The following MIER2 variants were observed in gnomAD, a reference collection of about 807,000 sequenced individuals.
The protein encoded by MIER2 is mesoderm induction early response protein 2.
In MIER2, 30 loss-of-function variants were observed where a neutral mutation model predicts 67.6. The ratio of observed to expected loss-of-function variants is 0.44; its 90% confidence interval spans 0.33 to 0.60. The LOEUF is 0.60. MIER2 is among the 20% of genes least tolerant of loss of function. The pLI, the probability that MIER2 is intolerant of heterozygous loss-of-function variation, is 0.02. For missense variants in MIER2, 702 were observed against 745.1 expected, an observed-to-expected ratio of 0.94 and a Z score of 0.67; for synonymous variants, 372 against 312.6, an observed-to-expected ratio of 1.19 and a Z score of -2.00.
chr19:314,955 C>T (rs138206982), intron 7 of MIER2, among the ~76,000 whole-genome samples: 7 of 152,076 alleles, frequency 4.6e-5, no homozygotes, highest in East Asian at 1.9e-4. Flanking sequence ...GTCCCAGCTA[C>T]GGTGGGATTG....
At chr19:333,830 A>G (rs1972125922) in intron 3 of MIER2, among the ~76,000 whole-genome samples, 2 of 149,906 alleles carry the variant, frequency 1.3e-5, no homozygotes, top group Non-Finnish European at 1.5e-5. Flanking sequence ...CTGGGACTAC[A>G]GTCACCCGCC....
chr19:344,777 C>T lies in MIER2; in HGVS notation c.6G>A (p.Ala2=). The change falls in exon 1 of 14, where the codon GCG becomes GCA. Residue 2 remains alanine (A), a synonymous_variant. Coordinates refer to ENST00000264819, the MANE Select transcript of MIER2 (RefSeq NM_017550.3). ...CTCCCCCGGCCCGCTCACTCACCTC[C>T]GCCATGGCCGTGTGTGCGCGGGAGG... is the stretch of plus-strand genomic sequence containing the variant. M[A]EASSLGRQSP... is the part of the protein sequence containing the mutation. The T allele has an allele frequency of 2.5e-6, 3 of 1,193,198 alleles. No individual in the cohort carries two copies. The highest frequency in any genetic ancestry group is 4.2e-5 in the South Asian group (1 of 24,020). 73.9% of individuals were successfully genotyped at this position (1,193,198 alleles called of 1,614,324 possible).
At chr19:328,262 A>C (rs891901162) in intron 3 of MIER2, among the ~76,000 whole-genome samples, 2 of 152,166 alleles carry the variant, frequency 1.3e-5, no homozygotes, top group African/African-American at 2.4e-5. Flanking sequence ...CACAGGGTGA[A>C]TTACAGGAAT....
chr19:326,314 C>A (rs1482447747), intron 6 of MIER2, among the ~76,000 whole-genome samples, 193 bp downstream of exon 6: 1 of 125,198 alleles, frequency 8.0e-6, no homozygotes, highest in Non-Finnish European at 1.7e-5. Context: ...GGGGACACGG[C>A]AGAGCCACGG....
intron 1 of MIER2, among the ~76,000 whole-genome samples, chr19:338,432 A>C (rs1379330237): frequency 1.3e-5 from 2 of 152,218 alleles, no homozygotes; most frequent in Non-Finnish European, 2.9e-5. Context: ...CAGTGTTGAA[A>C]GGAAGATCCA....
intron 6 of MIER2, 146 bp from the exon 7 acceptor site, chr19:325,850 A>AG: frequency 1.2e-6 from 1 of 838,236 alleles, no homozygotes; most frequent in Non-Finnish European, 1.9e-6. Context: ...GCTGATGCCC[A>AG]GTTCTGGGGT....
chr19:330,858 G>A (rs979244644), intron 3 of MIER2, among the ~76,000 whole-genome samples: 2 of 152,122 alleles, frequency 1.3e-5, no homozygotes, highest in Non-Finnish European at 2.9e-5. Context: ...TGACCTGTGA[G>A]GTTCACTGAT....
rs373631508 is a variant in MIER2 at position 323,069 on chromosome 19, C to T, written c.655+2566G>A. On this transcript the variant is annotated intron_variant, in intron 7 of 13. Transcript: ENST00000264819. ...ACAACTCAAATGACAGACGTCATCA[C>T]AATGCAATACACACGACACACACAA... Among the ~76,000 whole-genome samples the T allele has an allele frequency of 7.5e-4, 114 of 152,120 alleles. 1 individual carries two copies. Among genetic ancestry groups the T allele is most frequent in the African/African-American group, 2.6e-3 (106 of 41,482 alleles).
At chr19:322,171 CTGGGAT>C (rs372996531) in intron 7 of MIER2, among the ~76,000 whole-genome samples, 1 of 152,296 alleles carries the variant, frequency 6.6e-6, no homozygotes, top group African/African-American at 2.4e-5. Context: ...TCCCAAAGTG[CTGGGAT>C]TACAGGTGTG....
At chr19:320,641 C>T (rs1320502027) in intron 7 of MIER2, among the ~76,000 whole-genome samples, 1 of 152,158 alleles carries the variant, frequency 6.6e-6, no homozygotes, top group Non-Finnish European at 1.5e-5. Flanking sequence ...CCACTGTGAA[C>T]TGCACACACC....
In MIER2 at chr19:321,706, A is replaced by G. The variant is rs79932639; in HGVS notation, c.655+3929T>C. ...AATAAGTTTTAATCTTAAAACTTACATAGATATGCAATGAAAACTTACAAA... is the reference window on the plus strand; with the variant it reads ...AATAAGTTTTAATCTTAAAACTTACGTAGATATGCAATGAAAACTTACAAA... On this transcript the variant is annotated intron_variant, in intron 7 of 13. Coordinates refer to ENST00000264819, the MANE Select transcript of MIER2 (RefSeq NM_017550.3). 1.9e-3 allele frequency among the ~76,000 whole-genome samples: 296 copies of G among 152,192 alleles called. 4 individuals carry two copies. Among genetic ancestry groups the G allele is most frequent in the East Asian group, 4.1e-3 (21 of 5,182 alleles).
At position 308,456 on chromosome 19, in the gene MIER2, C is replaced by T. The variant is rs570681207; in HGVS notation, c.1198+121G>A. On this transcript the variant is annotated intron_variant, in intron 12 of 13. Coordinates refer to ENST00000264819, the MANE Select transcript of MIER2 (RefSeq NM_017550.3). The surrounding 1 kb of genome is among the most constrained non-coding windows in gnomAD (Gnocchi z 9.1). ...GGCTGCCCTCCGCCACCCAGACGCC[C>T]ACTCCTCCTGGCGAGGCTGGCCCAG... is the stretch of plus-strand genomic sequence containing the variant. 1.3e-4 allele frequency: 135 copies of T among 1,057,954 alleles called. No individual in the cohort carries two copies. The East Asian group carries it at 2.9e-3, about 23-fold the overall frequency. The allele number at this position is 1,057,954 out of a possible 1,614,324, so 65.5% of individuals were successfully genotyped here. A position where few individuals can be genotyped will look rare whatever the true frequency, so the allele number is the denominator to read the frequency against.
Position 333,289 on chromosome 19 carries a change from C to T in MIER2, c.243+1111G>A, listed in dbSNP as rs1467191764. On this transcript the variant is annotated intron_variant, in intron 3 of 13. Transcript: ENST00000264819. ...CTGGGATTACAAGCATGAGCCACCG[C>T]GCCCAACAATTTTTGTATTTTTAGT... Among the ~76,000 whole-genome samples the T allele has an allele frequency of 4.1e-4, 31 of 75,444 alleles. 3 individuals are homozygous for T. Among genetic ancestry groups the T allele is most frequent in the African/African-American group, 2.2e-3 (30 of 13,522 alleles). 49.5% of individuals were successfully genotyped at this position (75,444 alleles called of 152,430 possible).
chr19:306,720 G>A lies in MIER2; in HGVS notation c.1617-9C>T. On this transcript the variant is annotated splice_polypyrimidine_tract_variant and intron_variant, in intron 13 of 13. Transcript: ENST00000264819. The stretch of plus-strand genomic sequence containing the variant: ...AGGTCATCACGTTACAGCTGCAGGG[G>A]AGAGACCAAGAGAGACGCAGAGAGT... 4 of 1,558,658 alleles carry A rather than the reference G, an allele frequency of 2.6e-6. No homozygotes were observed. The South Asian group carries it at 3.6e-5, about 14-fold the overall frequency.
Position 335,686 on chromosome 19 carries a change from G to A in MIER2, c.100+397C>T, listed in dbSNP as rs367875214. ...TGATGCCCACTGGGCAAGCAGCAGC[G>A]CAGGGAGGTGCAGGGAACCCGGGGT... On this transcript the variant is annotated intron_variant, in intron 2 of 13. Transcript: ENST00000264819. Among the ~76,000 whole-genome samples the A allele has an allele frequency of 4.3e-4, 66 of 152,292 alleles. 1 individual carries two copies. In the South Asian group the frequency reaches 0.013, roughly 29 times the overall value.
At chr19:336,725 C>A (rs1217128696) in intron 1 of MIER2, among the ~76,000 whole-genome samples, 1 of 152,068 alleles carries the variant, frequency 6.6e-6, no homozygotes, top group African/African-American at 2.4e-5. Flanking sequence ...CGTGAATACA[C>A]TAAAAATCAA....
intron 7 of MIER2, among the ~76,000 whole-genome samples, chr19:321,550 G>A (rs574073080): frequency 1.3e-5 from 2 of 152,104 alleles, no homozygotes; most frequent in Admixed American, 6.5e-5. Flanking sequence ...GAGGCTGAGT[G>A]GGAGAACTGC....
chr19:315,881 C>A (rs1014309339), intron 7 of MIER2, among the ~76,000 whole-genome samples: 3 of 152,224 alleles, frequency 2.0e-5, no homozygotes, highest in African/African-American at 4.8e-5. Flanking sequence ...AAGACGTGTG[C>A]ACAGGCACAG....
At chr19:319,405 G>A (rs150515385) in intron 7 of MIER2, among the ~76,000 whole-genome samples, 6 of 152,322 alleles carry the variant, frequency 3.9e-5, no homozygotes, top group Non-Finnish European at 8.8e-5. Flanking sequence ...GCAACAGGGA[G>A]ACATGAACAA....
Sources: allele counts gnomAD v4.1 joint callset (sites outside exome capture counted in the v4.1 genomes callset), GRCh38; gene constraint gnomAD v4.1.1; non-coding constraint Gnocchi (gnomAD v3.1); transcripts MANE v1.5; gene names NCBI Gene and HGNC (gene_info 2026-07-23, HGNC 2026-07-21).